LRFN5: variants seen among roughly 807,000 people sequenced by gnomAD.
LRFN5 encodes the protein leucine-rich repeat and fibronectin type-III domain-containing protein 5.
A neutral mutation model predicts 45.6 loss-of-function variants in LRFN5; 24 were observed. The observed-to-expected ratio is 0.53, with a 90% CI of 0.38 to 0.74. The LOEUF is 0.74. Among genes scored for constraint, LRFN5 ranks in the 30% least tolerant of loss-of-function variants. The pLI is 0.00. For synonymous variants in LRFN5, 340 were observed against 313.8 expected (o/e 1.08, Z -0.88); for missense variants, 776 against 861.5 (o/e 0.90, Z 1.24).
chr14:41,899,767 A>G (rs1001323140), intron 5 of LRFN5, among the ~76,000 whole-genome samples: 8 of 152,176 alleles, frequency 5.3e-5, no homozygotes, highest in East Asian at 3.9e-4. Context: ...AACTTTGTCA[A>G]TCTTTCAGGA....
intron 1 of LRFN5, among the ~76,000 whole-genome samples, chr14:41,680,704 T>C (rs1434835277): frequency 3.9e-5 from 6 of 152,050 alleles, no homozygotes; most frequent in African/African-American, 1.4e-4. Flanking sequence ...TACTTAACTC[T>C]TTAATTCCAG....
intron 1 of LRFN5, among the ~76,000 whole-genome samples, chr14:41,723,636 C>T (rs1883814252): frequency 6.6e-6 from 1 of 152,066 alleles, no homozygotes; most frequent in African/African-American, 2.4e-5. Flanking sequence ...GGTTCCAGGT[C>T]CCCAAGCTGA....
intron 1 of LRFN5, among the ~76,000 whole-genome samples, chr14:41,722,357 A>G (rs545652946): frequency 4.1e-4 from 62 of 151,708 alleles, no homozygotes; most frequent in African/African-American, 1.5e-3. Context: ...TTTATCTGTC[A>G]TTTCTGAGTT....
chr14:41,780,066 T>C (rs1886428348), intron 2 of LRFN5, among the ~76,000 whole-genome samples: 1 of 151,940 alleles, frequency 6.6e-6, no homozygotes, highest in Non-Finnish European at 1.5e-5. Flanking sequence ...TTCTAATATA[T>C]GTATTCTATG....
intron 1 of LRFN5, among the ~76,000 whole-genome samples, chr14:41,747,277 G>A: frequency 6.6e-6 from 1 of 151,882 alleles, no homozygotes; most frequent in Admixed American, 6.6e-5. Context: ...CTTCCTGATT[G>A]CAAAACTTAC....
chr14:41,892,274 C>A (rs1245273202), intron 4 of LRFN5: 1 of 981,650 alleles, frequency 1.0e-6, no homozygotes, highest in Admixed American at 6.2e-5. Context: ...GTGTATAAAT[C>A]AACCTTCTCA....
At chr14:41,877,288 G>A (rs576776451) in intron 2 of LRFN5, among the ~76,000 whole-genome samples, 1 of 152,130 alleles carries the variant, frequency 6.6e-6, no homozygotes, top group Non-Finnish European at 1.5e-5. Flanking sequence ...GGGATTACGG[G>A]TGCAGAATAC....
intron 2 of LRFN5, among the ~76,000 whole-genome samples, chr14:41,848,927 G>T (rs548841525): frequency 8.6e-5 from 13 of 151,816 alleles, no homozygotes; most frequent in African/African-American, 3.2e-4. Context: ...AAGTTTTTGA[G>T]ATTTTTTCAG....
At chr14:41,629,695 A>G (rs563199135) in intron 1 of LRFN5, among the ~76,000 whole-genome samples, 2 of 152,298 alleles carry the variant, frequency 1.3e-5, no homozygotes, top group African/African-American at 4.8e-5. Context: ...CAAGATTTCC[A>G]AAATCTCCTT....
chr14:41,742,174 A>G (rs1273477368), intron 1 of LRFN5, among the ~76,000 whole-genome samples: 1 of 151,814 alleles, frequency 6.6e-6, no homozygotes, highest in Non-Finnish European at 1.5e-5. Flanking sequence ...TATATAGCCA[A>G]TGAATCTGAA....
chr14:41,830,846 G>C (rs1566471002), intron 2 of LRFN5, among the ~76,000 whole-genome samples: 1 of 152,186 alleles, frequency 6.6e-6, no homozygotes, highest in Non-Finnish European at 1.5e-5. Flanking sequence ...AGGGAAGCCA[G>C]GACAAGCTGC....
intron 2 of LRFN5, among the ~76,000 whole-genome samples, chr14:41,768,760 G>A (rs893107105): frequency 1.3e-5 from 2 of 152,070 alleles, no homozygotes; most frequent in Admixed American, 6.5e-5. Flanking sequence ...CTAGATAAAA[G>A]CATTTACTTT....
chr14:41,850,052 G>C (rs1265335359), intron 2 of LRFN5, among the ~76,000 whole-genome samples: 1 of 151,784 alleles, frequency 6.6e-6, no homozygotes, highest in African/African-American at 2.4e-5. Context: ...TCACCTCCAA[G>C]TACTATACAT....
intron 1 of LRFN5, among the ~76,000 whole-genome samples, chr14:41,636,518 A>G (rs1331601160): frequency 1.3e-5 from 2 of 152,040 alleles, no homozygotes; most frequent in Non-Finnish European, 1.5e-5. Context: ...TGTTTAGGCC[A>G]GATAGAAAGT....
chr14:41,739,047 T>C (rs1447974181), intron 1 of LRFN5, among the ~76,000 whole-genome samples: 1 of 152,170 alleles, frequency 6.6e-6, no homozygotes, highest in Non-Finnish European at 1.5e-5. Flanking sequence ...TGAATTTATA[T>C]TGAATATCAT....
chr14:41,628,757 A>G (rs949779027), intron 1 of LRFN5, among the ~76,000 whole-genome samples: 1 of 152,188 alleles, frequency 6.6e-6, no homozygotes, highest in Non-Finnish European at 1.5e-5. Flanking sequence ...TATGGATAGT[A>G]GCATTGAAGA....
chr14:41,739,507 T>A (rs1024860968), intron 1 of LRFN5, among the ~76,000 whole-genome samples: 10 of 150,472 alleles, frequency 6.6e-5, no homozygotes, highest in African/African-American at 2.2e-4. Context: ...GAAAAAAAAA[T>A]CTTGAGACAA....
chr14:41,779,838 G>C (rs1047477732), intron 2 of LRFN5, among the ~76,000 whole-genome samples: 23 of 151,852 alleles, frequency 1.5e-4, no homozygotes, highest in African/African-American at 5.1e-4. Flanking sequence ...TTCTGATGTA[G>C]TAATTTGTGT....
intron 1 of LRFN5, among the ~76,000 whole-genome samples, chr14:41,759,659 C>G (rs1434292807): frequency 6.6e-6 from 1 of 152,116 alleles, no homozygotes; most frequent in African/African-American, 2.4e-5. Flanking sequence ...AAAATGTAAT[C>G]TCTGTGCTTT....
Sources: gnomAD v4.1 joint callset for allele counts (sites outside exome capture counted in the v4.1 genomes callset) on GRCh38, gnomAD v4.1.1 for gene constraint, MANE v1.5 for transcripts, NCBI Gene and HGNC (gene_info 2026-07-23, HGNC 2026-07-21) for gene names.